Variants in UGGT1 observed in about 807,000 individuals in gnomAD.
The protein encoded by UGGT1 is UDP-glucose glycoprotein glucosyltransferase 1.
A neutral mutation model predicts 203.9 loss-of-function variants in UGGT1; 107 were observed. The ratio of observed to expected loss-of-function variants is 0.52; its 90% CI spans 0.45 to 0.62. UGGT1 has a LOEUF of 0.62. UGGT1 is among the 20% of genes least tolerant of loss of function. The pLI is 0.00. For synonymous variants in UGGT1, 628 were observed against 653.5 expected (o/e 0.96, Z 0.59); for missense variants, 1,673 against 1,867.2 (o/e 0.90, Z 1.92).
At chr2:128,124,031 C>T (rs1467012927) in intron 11 of UGGT1, among the ~76,000 whole-genome samples, 4 of 152,102 alleles carry the variant, frequency 2.6e-5, no homozygotes, top group African/African-American at 7.2e-5. Context: ...CTGCAAGCTC[C>T]GCCTTCCAGG....
intron 5 of UGGT1, among the ~76,000 whole-genome samples, chr2:128,112,374 C>T (rs945705137): frequency 7.1e-6 from 1 of 141,020 alleles, no homozygotes; most frequent in Non-Finnish European, 1.5e-5. Flanking sequence ...GAGCTGAGAC[C>T]ATGTCATTGC....
chr2:128,094,055 C>T (rs1486991981), intron 1 of UGGT1, among the ~76,000 whole-genome samples: 2 of 152,204 alleles, frequency 1.3e-5, no homozygotes, highest in Non-Finnish European at 2.9e-5. Context: ...CCCCCAATTT[C>T]CTCCCCACTC....
intron 11 of UGGT1, among the ~76,000 whole-genome samples, chr2:128,124,047 G>A (rs1688500728): frequency 1.3e-5 from 2 of 152,250 alleles, no homozygotes; most frequent in South Asian, 2.1e-4. Flanking sequence ...CCAGGTTCAC[G>A]CCATTCTTCT....
chr2:128,112,446 A>G (rs1379472973), intron 5 of UGGT1, among the ~76,000 whole-genome samples: 3 of 104,292 alleles, frequency 2.9e-5, no homozygotes. Flanking sequence ...CCCCCAAAAA[A>G]TACTATGTTA....
intron 26 of UGGT1, 120 bp from the exon 27 acceptor site, chr2:128,170,168 C>A: frequency 1.3e-6 from 1 of 744,758 alleles, no homozygotes; most frequent in Non-Finnish European, 2.2e-6. Flanking sequence ...CTGTCATAGT[C>A]TAGTCTTTCT....
chr2:128,124,988 T>G (rs944513622), intron 11 of UGGT1, among the ~76,000 whole-genome samples: 1 of 152,124 alleles, frequency 6.6e-6, no homozygotes, highest in African/African-American at 2.4e-5. Context: ...GACTGTAAGG[T>G]GTTCTGTTGT....
chr2:128,104,817 T>G (rs1687528614), intron 3 of UGGT1, among the ~76,000 whole-genome samples: 1 of 152,130 alleles, frequency 6.6e-6, no homozygotes, highest in Admixed American at 6.5e-5. Flanking sequence ...TGGCTAATTT[T>G]TGTATTTTTA....
chr2:128,106,784 G>C (rs937307520), intron 3 of UGGT1, among the ~76,000 whole-genome samples: 1 of 151,794 alleles, frequency 6.6e-6, no homozygotes, highest in Non-Finnish European at 1.5e-5. Flanking sequence ...TCCTGACCTC[G>C]GGTGATCCAC....
At chr2:128,180,016 A>T (rs1691606445) in intron 35 of UGGT1, 146 bp downstream of exon 35, 1 of 665,478 alleles carries the variant, frequency 1.5e-6, no homozygotes, top group African/African-American at 1.8e-5. Flanking sequence ...TATTTTGATT[A>T]TTCTTCCAGA....
intron 38 of UGGT1, among the ~76,000 whole-genome samples, chr2:128,184,382 T>C (rs1039720238): frequency 6.6e-6 from 1 of 152,246 alleles, no homozygotes; most frequent in African/African-American, 2.4e-5. Flanking sequence ...TATTGTGATA[T>C]GTAGCATCCA....
Position 128,173,102 on chromosome 2 carries a change from A to G in UGGT1, c.3294+340A>G, listed in dbSNP as rs550436532. Reference sequence around the variant, plus strand: ...ACTTTGTATCTCTATGGATTTGCCTATTCTGACATTTTGTCTAAATAGAAT... The same window carrying G: ...ACTTTGTATCTCTATGGATTTGCCTGTTCTGACATTTTGTCTAAATAGAAT... On this transcript the variant is annotated intron_variant, in intron 29 of 40. Coordinates refer to ENST00000259253, the MANE Select transcript of UGGT1 (RefSeq NM_020120.4). Among the ~76,000 whole-genome samples the G allele has an allele frequency of 3.9e-5, 6 of 152,310 alleles. No individual in the cohort carries two copies. In the East Asian group the frequency reaches 5.8e-4, roughly 15 times the overall value.
Position 128,107,999 on chromosome 2 carries a change from C to A in UGGT1, c.339C>A (p.Leu113=). The A allele has an allele frequency of 6.2e-7, 1 of 1,614,146 alleles. No individual in the cohort carries two copies. The highest frequency in any genetic ancestry group is 8.5e-7 in the Non-Finnish European group (1 of 1,180,026). ...LEAAFQFLSP[L]QQNLFKFCLS... ...CTGCATTTCAGTTTCTGTCACCCCT[C>A]CAGCAGAATTTGTTTAAATTTTGTC... Residue 113 remains leucine, a synonymous_variant, in exon 4 of 41, where the codon CTC becomes CTA. Transcript: ENST00000259253.
intron 20 of UGGT1, among the ~76,000 whole-genome samples, chr2:128,155,933 T>C (rs1457277611): frequency 1.3e-5 from 2 of 152,186 alleles, no homozygotes; most frequent in African/African-American, 4.8e-5. Context: ...AGGGTTAATA[T>C]TATTTTGGGG....
Position 128,113,249 on chromosome 2 carries a change from T to C in UGGT1, c.687T>C (p.His229=), listed in dbSNP as rs750222977. Residue 229 remains histidine, a synonymous_variant, in exon 6 of 41, where the codon CAT becomes CAC. Coordinates refer to ENST00000259253, the MANE Select transcript of UGGT1 (RefSeq NM_020120.4). ...NAGKINYVFR[H]YIFNPRKEPV... ...GCAAAATCAATTATGTATTCAGACA[T>C]TATATATTTGTAAGTATTGACTTAT... 17 of 1,600,458 alleles carry C rather than the reference T, an allele frequency of 1.1e-5. No individual in the cohort carries two copies. Among genetic ancestry groups the C allele is most frequent in the Non-Finnish European group, 1.4e-5 (17 of 1,172,650 alleles).
chr2:128,109,605 A>G (rs1687759519), intron 4 of UGGT1, 29 bp from the exon 5 acceptor site: 1 of 1,556,244 alleles, frequency 6.4e-7, no homozygotes. Context: ...TAGAAATTTA[A>G]AAAGTATGTG....
At position 128,108,059 on chromosome 2, in the gene UGGT1, C is replaced by T. The variant is rs550812842; in HGVS notation, c.399C>T (p.Ala133=). The part of the protein sequence containing the change: ...SLRSYSATIQ[A]FQQIAADEPP... ...GTTCTTACTCAGCTACAATCCAAGC[C>T]TTCCAGCAGGTGGGTCCAGTGCTCT... is the stretch of plus-strand genomic sequence containing the variant. Residue 133 remains alanine (A), a synonymous_variant, in exon 4 of 41, where the codon GCC becomes GCT. Transcript: ENST00000259253. The T allele has an allele frequency of 1.2e-6, 2 of 1,614,050 alleles. No individual in the cohort carries two copies. The highest frequency in any genetic ancestry group is 2.2e-5 in the South Asian group (2 of 91,074).
intron 12 of UGGT1, 137 bp downstream of exon 12, chr2:128,127,589 G>C (rs1688665299): frequency 1.6e-6 from 1 of 638,126 alleles, no homozygotes; most frequent in Non-Finnish European, 2.8e-6. Flanking sequence ...GGTGGACGTA[G>C]GTAGTAGGCA....
chr2:128,168,288 G>A (rs558694362), intron 26 of UGGT1, among the ~76,000 whole-genome samples: 6 of 152,280 alleles, frequency 3.9e-5, no homozygotes, highest in East Asian at 3.9e-4. Context: ...CAGAAGTTTT[G>A]TTGTGTTAGA....
intron 20 of UGGT1, 35 bp from the exon 21 acceptor site, chr2:128,156,357 T>C (rs1690228701): frequency 1.9e-6 from 3 of 1,546,336 alleles, no homozygotes; most frequent in Non-Finnish European, 2.7e-6. Flanking sequence ...GAAATGATAC[T>C]TTTTTTCTAC....
Sources: gnomAD v4.1 joint callset for allele counts (sites outside exome capture counted in the v4.1 genomes callset) on GRCh38, gnomAD v4.1.1 for gene constraint, MANE v1.5 for transcripts, NCBI Gene and HGNC (gene_info 2026-07-23, HGNC 2026-07-21) for gene names.